The following B4GALT6 variants were observed in gnomAD, a reference collection of about 807,000 sequenced individuals.
B4GALT6 encodes the protein UDP-Gal:beta-GlcNAc beta-1,4-galactosyltransferase 6.
A neutral mutation model predicts 46.3 loss-of-function variants in B4GALT6; 14 were observed. The ratio of observed to expected loss-of-function variants is 0.30; its 90% CI spans 0.20 to 0.47. B4GALT6 has a LOEUF of 0.47. Among genes scored for constraint, B4GALT6 ranks in the 20% least tolerant of loss-of-function variants. B4GALT6 has a pLI of 0.99. For synonymous variants in B4GALT6, 168 were observed against 162.0 expected, an observed-to-expected ratio of 1.04 and a Z score of -0.28; for missense variants, 386 against 480.1, an observed-to-expected ratio of 0.80 and a Z score of 1.83.
At chr18:31,635,796 C>T (rs544662308) in intron 5 of B4GALT6, among the ~76,000 whole-genome samples, 1 of 151,966 alleles carries the variant, frequency 6.6e-6, no homozygotes, top group Non-Finnish European at 1.5e-5. Context: ...CCAGCCTGGG[C>T]GACAGAGGCA....
At chr18:31,697,867 A>G in the B4GALT6 span, among the ~76,000 whole-genome samples, 51 of 152,228 alleles carry the variant, frequency 3.4e-4, no homozygotes, top group African/African-American at 1.2e-3. Context: ...TCTAATTATC[A>G]TTCGTTTGTA....
chr18:31,623,255 G>A lies in B4GALT6; in HGVS notation c.*2359C>T, dbSNP rs2073640690. ...CGGGCACAGCTCTGTCACTCTCACAGAAACATATTAAGTTCACTGTTTATA... is the reference window on the plus strand; with the variant it reads ...CGGGCACAGCTCTGTCACTCTCACAAAAACATATTAAGTTCACTGTTTATA... On this transcript the variant is annotated 3_prime_UTR_variant, in exon 9 of 9. Transcript: ENST00000306851. 6.6e-6 allele frequency: 1 copy of A among 152,050 alleles called. No individual in the cohort carries two copies. The highest frequency in any genetic ancestry group is 2.1e-4 in the South Asian group (1 of 4,830). 9.4% of individuals were successfully genotyped at this position (152,050 alleles called of 1,614,324 possible).
intron 5 of B4GALT6, among the ~76,000 whole-genome samples, chr18:31,634,469 C>T (rs1210728359): frequency 6.6e-6 from 1 of 152,212 alleles, no homozygotes; most frequent in Non-Finnish European, 1.5e-5. Flanking sequence ...CTTGTCACAT[C>T]ACCCTCTACA....
At chr18:31,643,995 A>T (rs963409891) in intron 4 of B4GALT6, among the ~76,000 whole-genome samples, 1 of 152,222 alleles carries the variant, frequency 6.6e-6, no homozygotes, top group African/African-American at 2.4e-5. Flanking sequence ...TGCCCAGGCT[A>T]TTTTTAAAAG....
chr18:31,650,967 C>T (rs561107083), intron 3 of B4GALT6, among the ~76,000 whole-genome samples: 58 of 152,228 alleles, frequency 3.8e-4, no homozygotes, highest in South Asian at 3.1e-3. Context: ...GGGGTTTCAC[C>T]GTGTTAGACA....
chr18:31,638,950 T>A (rs974045723), intron 4 of B4GALT6, among the ~76,000 whole-genome samples, 190 bp from the exon 5 acceptor site: 2 of 152,202 alleles, frequency 1.3e-5, no homozygotes, highest in Non-Finnish European at 2.9e-5. Flanking sequence ...CTTATAAAGC[T>A]GAGAGGTAGA....
chr18:31,645,451 T>G lies in B4GALT6; in HGVS notation c.375A>C (p.Glu125Asp), dbSNP rs1270519323. The G allele has an allele frequency of 6.2e-7, 1 of 1,612,388 alleles. No homozygotes were observed. Among genetic ancestry groups the G allele is most frequent in the South Asian group, 1.1e-5 (1 of 90,344 alleles). The change falls in exon 4 of 9, where the codon GAA (glutamate) becomes GAC (aspartate). Residue 125 changes from glutamate (E) to aspartate (D), a missense_variant. Coordinates refer to ENST00000306851, the MANE Select transcript of B4GALT6 (RefSeq NM_004775.5). The stretch of plus-strand genomic sequence containing the variant: ...GTTGATGAATTTCATCAAAACTGAC[T>G]TCGCTTACATTGACATTGAGGAATC... The part of the protein sequence containing the change: ...MRGFLNVNVS[E>D]VSFDEIHQLF...
intron 4 of B4GALT6, among the ~76,000 whole-genome samples, 172 bp downstream of exon 4, chr18:31,645,183 A>G (rs2073977324): frequency 6.6e-6 from 1 of 152,260 alleles, no homozygotes; most frequent in African/African-American, 2.4e-5. Context: ...GTCTTCACAC[A>G]TAACACTTAA....
intron 5 of B4GALT6, among the ~76,000 whole-genome samples, 175 bp from the exon 6 acceptor site, chr18:31,631,321 G>C (rs2073787567): frequency 6.6e-6 from 1 of 151,604 alleles, no homozygotes; most frequent in South Asian, 2.1e-4. Flanking sequence ...CAAGGTGCTG[G>C]GATTGCAGGT....
chr18:31,704,507 A>G, the B4GALT6 span, among the ~76,000 whole-genome samples: 1 of 152,056 alleles, frequency 6.6e-6, no homozygotes, highest in Non-Finnish European at 1.5e-5. Context: ...CCTGGCTGCA[A>G]TCTTTCTTAT....
At chr18:31,703,897 TA>T in the B4GALT6 span, among the ~76,000 whole-genome samples, 1 of 152,328 alleles carries the variant, frequency 6.6e-6, no homozygotes, top group East Asian at 1.9e-4. Flanking sequence ...GTGAGAGGTT[TA>T]AATATTATTC....
chr18:31,684,760 C>G, upstream of B4GALT6: 17 of 1,076,370 alleles, frequency 1.6e-5, no homozygotes, highest in Non-Finnish European at 1.9e-5. Flanking sequence ...CGCCAAGCAG[C>G]GGCGGGAGGA....
At chr18:31,626,649 C>T (rs1383698040) in intron 7 of B4GALT6, among the ~76,000 whole-genome samples, 1 of 152,064 alleles carries the variant, frequency 6.6e-6, no homozygotes, top group East Asian at 1.9e-4. Context: ...GTAAACTGCA[C>T]ATGTGAGGGA....
intron 4 of B4GALT6, among the ~76,000 whole-genome samples, chr18:31,640,933 G>A (rs2073923126): frequency 6.6e-6 from 1 of 152,208 alleles, no homozygotes; most frequent in Non-Finnish European, 1.5e-5. Flanking sequence ...GAGGTTAGAT[G>A]GTGAGTACAT....
chr18:31,663,904 G>A (rs753798193), intron 2 of B4GALT6, among the ~76,000 whole-genome samples: 7 of 152,144 alleles, frequency 4.6e-5, no homozygotes, highest in Non-Finnish European at 7.3e-5. Flanking sequence ...TGAACATGGC[G>A]GAGCCTCATT....
At chr18:31,702,149 A>G in the B4GALT6 span, among the ~76,000 whole-genome samples, 2 of 152,254 alleles carry the variant, frequency 1.3e-5, no homozygotes, top group Non-Finnish European at 2.9e-5. Context: ...TTTGGCAAAT[A>G]ATACGCTATA....
intron 4 of B4GALT6, among the ~76,000 whole-genome samples, chr18:31,639,154 T>G (rs2073899452): frequency 6.6e-6 from 1 of 152,156 alleles, no homozygotes; most frequent in South Asian, 2.1e-4. Context: ...AAACAGGTAA[T>G]GGTAGCTTAA....
At chr18:31,637,668 C>G (rs989312733) in intron 5 of B4GALT6, among the ~76,000 whole-genome samples, 1 of 152,102 alleles carries the variant, frequency 6.6e-6, no homozygotes. Context: ...CCCCACAGTA[C>G]AAAGAAATCC....
chr18:31,712,283 C>T, the B4GALT6 span, among the ~76,000 whole-genome samples: 3 of 110,334 alleles, frequency 2.7e-5, no homozygotes, highest in Non-Finnish European at 5.6e-5. Context: ...TCTACTGGGA[C>T]GTTATTTTTT....
Sources: allele counts gnomAD v4.1 joint callset (sites outside exome capture counted in the v4.1 genomes callset), GRCh38; gene constraint gnomAD v4.1.1; transcripts MANE v1.5; gene names NCBI Gene and HGNC (gene_info 2026-07-23, HGNC 2026-07-21).